CADPS: variants seen among roughly 807,000 people sequenced by gnomAD.
CADPS encodes the protein calcium dependent secretion activator.
CADPS carries 57 observed loss-of-function variants against 167.3 expected under a neutral mutation model. The ratio of observed to expected loss-of-function variants is 0.34; its 90% confidence interval spans 0.28 to 0.42. CADPS has a LOEUF of 0.42. Ranked by LOEUF, CADPS falls within the 20% of genes least tolerant of loss-of-function variation. The probability of loss-of-function intolerance (pLI) is 1.00; values close to 1 mark genes in which losing one functional copy is unlikely to be tolerated. For missense variants in CADPS, 1,414 were observed against 1,738.1 expected, an observed-to-expected ratio of 0.81 and a Z score of 3.32; for synonymous variants, 676 against 635.3, an observed-to-expected ratio of 1.06 and a Z score of -0.96.
chr3:62,555,534 C>A (rs2077997448), intron 10 of CADPS, among the ~76,000 whole-genome samples: 1 of 152,182 alleles, frequency 6.6e-6, no homozygotes, highest in Non-Finnish European at 1.5e-5. Context: ...TTTGATATCT[C>A]AGAATCTCAG....
intron 28 of CADPS, among the ~76,000 whole-genome samples, chr3:62,423,301 G>A (rs543828214): frequency 1.3e-5 from 2 of 152,186 alleles, no homozygotes; most frequent in Non-Finnish European, 2.9e-5. Flanking sequence ...TCATTAAGGG[G>A]TCTCTCTGAT....
At chr3:62,792,338 G>T (rs1005330384) in intron 1 of CADPS, among the ~76,000 whole-genome samples, 4 of 151,662 alleles carry the variant, frequency 2.6e-5, no homozygotes, top group Admixed American at 1.3e-4. Context: ...TGAGCAGCTT[G>T]GACTACAGGC....
intron 24 of CADPS, among the ~76,000 whole-genome samples, chr3:62,467,098 T>C (rs979161528): frequency 6.6e-6 from 1 of 152,134 alleles, no homozygotes; most frequent in Non-Finnish European, 1.5e-5. Flanking sequence ...TAAATAGTAA[T>C]GTGAAGACAA....
intron 1 of CADPS, among the ~76,000 whole-genome samples, chr3:62,826,521 A>G (rs2074067175): frequency 6.6e-6 from 1 of 152,166 alleles, no homozygotes; most frequent in Non-Finnish European, 1.5e-5. Context: ...GTTTTTTAGA[A>G]GTTGGTGTGA....
At chr3:62,873,617 C>CTTTTTTTT (rs3047307) in intron 1 of CADPS, among the ~76,000 whole-genome samples, 4 of 132,320 alleles carry the variant, frequency 3.0e-5, no homozygotes, top group South Asian at 2.5e-4. Context: ...AAATAGGCGC[C>CTTTTTTTT]TTTTTTTTTT....
At chr3:62,832,541 A>G (rs781241458) in intron 1 of CADPS, among the ~76,000 whole-genome samples, 4 of 152,234 alleles carry the variant, frequency 2.6e-5, no homozygotes, top group Admixed American at 6.5e-5. Context: ...GAAATTGTAG[A>G]GAATACATTT....
chr3:62,599,818 T>TATATATTATATATA (rs2059620331), intron 6 of CADPS, among the ~76,000 whole-genome samples: 1 of 3,336 alleles, frequency 3.0e-4, no homozygotes, highest in African/African-American at 7.5e-4. Context: ...AATAATATAT[T>TATATATTATATATA]ATATATTATA....
intron 1 of CADPS, among the ~76,000 whole-genome samples, chr3:62,826,436 G>A (rs544179651): frequency 1.3e-5 from 2 of 152,228 alleles, no homozygotes; most frequent in South Asian, 2.1e-4. Flanking sequence ...GGGGAAAAAT[G>A]GGGAAAGGGG....
At chr3:62,742,863 A>T (rs2080586374) in intron 3 of CADPS, among the ~76,000 whole-genome samples, 1 of 152,200 alleles carries the variant, frequency 6.6e-6, no homozygotes, top group Non-Finnish European at 1.5e-5. Flanking sequence ...GAATGGGGAG[A>T]ATTTTTGCAA....
intron 6 of CADPS, among the ~76,000 whole-genome samples, chr3:62,621,532 T>C (rs1433630313): frequency 1.3e-5 from 2 of 152,208 alleles, no homozygotes; most frequent in South Asian, 2.1e-4. Flanking sequence ...TACATATTTA[T>C]GGGGTATAGT....
chr3:62,638,277 T>G (rs2066728976), intron 6 of CADPS, among the ~76,000 whole-genome samples: 1 of 152,054 alleles, frequency 6.6e-6, no homozygotes, highest in Admixed American at 6.6e-5. Context: ...TATCTGTTAT[T>G]TTCTTATTAG....
At chr3:62,631,554 C>T (rs1408537904) in intron 6 of CADPS, among the ~76,000 whole-genome samples, 1 of 152,124 alleles carries the variant, frequency 6.6e-6, no homozygotes, top group Non-Finnish European at 1.5e-5. Context: ...ACATTAATTG[C>T]CCTCAGTTCC....
Position 62,458,097 on chromosome 3 carries a change from A to T in CADPS, c.3636+7270T>A, listed in dbSNP as rs79777713. ...AAGTATAATTTAAAAAAAAATTTTT[A>T]AAAAAGCACCAGGGTCATGTAAACT... is the stretch of plus-strand genomic sequence containing the variant. On this transcript the variant is annotated intron_variant, in intron 26 of 29. Transcript: ENST00000383710. This position sits in a 1 kb window ranked among gnomAD's most constrained non-coding sequence, Gnocchi z 4.6. Among the ~76,000 whole-genome samples, 144 of 152,346 alleles carry T rather than the reference A, an allele frequency of 9.5e-4. No homozygotes were observed. Among genetic ancestry groups the T allele is most frequent in the African/African-American group, 3.0e-3 (126 of 41,578 alleles).
At chr3:62,556,750 G>A (rs1009476644) in intron 10 of CADPS, among the ~76,000 whole-genome samples, 11 of 151,856 alleles carry the variant, frequency 7.2e-5, no homozygotes, top group African/African-American at 2.4e-4. Flanking sequence ...GAACTTATGC[G>A]GTGTAGAACT....
chr3:62,699,034 T>A (rs1047709218), intron 3 of CADPS, among the ~76,000 whole-genome samples: 14 of 151,988 alleles, frequency 9.2e-5, no homozygotes, highest in Non-Finnish European at 1.9e-4. Flanking sequence ...AGTTCTTTCA[T>A]GGGGATTTCT....
rs184878014 is a variant in CADPS, at chr3:62,833,122, T to G, written c.441+41467A>C. 1.3e-3 allele frequency among the ~76,000 whole-genome samples: 202 copies of G among 152,258 alleles called. 2 individuals carry two copies. The highest frequency in any genetic ancestry group is 4.4e-3 in the African/African-American group (181 of 41,572). On this transcript the variant is annotated intron_variant, in intron 1 of 29. Coordinates refer to ENST00000383710, the MANE Select transcript of CADPS (RefSeq NM_003716.4). ...GAAAGTCCAGTCCACTTTTCTAGAC[T>G]GGGAGACTATATGGCACATACTTTT... is the stretch of plus-strand genomic sequence containing the variant.
chr3:62,612,697 T>G (rs2149324785), intron 6 of CADPS, among the ~76,000 whole-genome samples: 1 of 152,270 alleles, frequency 6.6e-6, no homozygotes, highest in South Asian at 2.1e-4. Flanking sequence ...GCTGGAGCAG[T>G]GATAGAGAAT....
intron 15 of CADPS, 146 bp from the exon 16 acceptor site, chr3:62,516,328 T>G: frequency 3.6e-6 from 4 of 1,100,194 alleles, no homozygotes; most frequent in Non-Finnish European, 3.9e-6. Context: ...GCACCAGAAT[T>G]GCAAAGCATT....
intron 1 of CADPS, among the ~76,000 whole-genome samples, chr3:62,811,756 G>T (rs1314710996): frequency 1.3e-5 from 2 of 152,286 alleles, no homozygotes; most frequent in East Asian, 3.9e-4. Context: ...GCTGATTTTT[G>T]TTAGAAAGTA....
Sources: gnomAD v4.1 joint callset for allele counts (sites outside exome capture counted in the v4.1 genomes callset) on GRCh38, gnomAD v4.1.1 for gene constraint, Gnocchi (gnomAD v3.1) non-coding constraint, MANE v1.5 for transcripts, NCBI Gene and HGNC (gene_info 2026-07-23, HGNC 2026-07-21) for gene names.